The following SVOPL variants were observed in gnomAD, a reference collection of about 807,000 sequenced individuals.
SVOPL encodes SVOP like.
SVOPL carries 60 observed loss-of-function variants against 61.0 expected under a neutral mutation model. The ratio of observed to expected loss-of-function variants is 0.98; its 90% CI spans 0.80 to 1.22. The LOEUF (loss-of-function observed/expected upper bound fraction) is 1.22. Among genes scored for constraint, SVOPL ranks in the 50% most tolerant of loss-of-function variants. The pLI, the probability that SVOPL is intolerant of heterozygous loss-of-function variation, is 0.00. For synonymous variants in SVOPL, 279 were observed against 250.0 expected, an observed-to-expected ratio of 1.12 and a Z score of -1.09; for missense variants, 662 against 643.9, an observed-to-expected ratio of 1.03 and a Z score of -0.30.
chr7:138,657,134 G>GTTTATTTATTTA lies in SVOPL; in HGVS notation c.471-635_471-624dup, dbSNP rs147009662. On this transcript the variant is annotated intron_variant, in intron 6 of 15. Coordinates refer to ENST00000674285, the MANE Select transcript of SVOPL (RefSeq NM_001139456.2). ...CAAGCCTGATTCCCTTTTCTTATTT[G>GTTTATTTATTTA]TTTATTTATTTATTTATTTATTTAT... 1.2e-3 allele frequency among the ~76,000 whole-genome samples: 176 copies of GTTTATTTATTTA among 147,130 alleles called. 2 individuals are homozygous for GTTTATTTATTTA. The highest frequency in any genetic ancestry group is 2.0e-3 in the Admixed American group (30 of 14,640).
At chr7:138,644,552 G>A (rs1213913067) in intron 9 of SVOPL, among the ~76,000 whole-genome samples, 165 bp downstream of exon 9, 1 of 152,184 alleles carries the variant, frequency 6.6e-6, no homozygotes, top group Non-Finnish European at 1.5e-5. Context: ...GGCTCCCATG[G>A]CTCACAGTGA....
rs182669294 is a variant in SVOPL at position 138,595,071 on chromosome 7, G to C, written c.1468-450C>G. Among the ~76,000 whole-genome samples, 49 of 152,064 alleles carry C rather than the reference G, an allele frequency of 3.2e-4. No individual in the cohort carries two copies. In the East Asian group the frequency reaches 6.0e-3, roughly 19 times the overall value. On this transcript the variant is annotated intron_variant, in intron 15 of 15. Coordinates refer to ENST00000674285, the MANE Select transcript of SVOPL (RefSeq NM_001139456.2). ...GTACCTGGCCAATATTCTCCTTCTA[G>C]ATAGTGTTTTAGATTTTTAGTTTAC...
chr7:138,665,893 C>T (rs1408519280), intron 4 of SVOPL, among the ~76,000 whole-genome samples: 2 of 152,184 alleles, frequency 1.3e-5, no homozygotes, highest in Non-Finnish European at 2.9e-5. Context: ...GAGGAGCTCT[C>T]AGGCACACAA....
chr7:138,685,120 C>T (rs1258364011), intron 1 of SVOPL, among the ~76,000 whole-genome samples: 10 of 151,940 alleles, frequency 6.6e-5, no homozygotes, highest in South Asian at 2.1e-4. Flanking sequence ...TTAGTAGAGA[C>T]AGGGTTTCAC....
intron 3 of SVOPL, among the ~76,000 whole-genome samples, chr7:138,672,904 CAAAA>C (rs71179720): frequency 6.7e-5 from 7 of 103,722 alleles, no homozygotes; most frequent in African/African-American, 1.3e-4. Flanking sequence ...GTTTGTCTCT[CAAAA>C]AAAAAAAAAA....
chr7:138,692,144 C>T (rs1298379149), intron 1 of SVOPL, among the ~76,000 whole-genome samples: 2 of 152,078 alleles, frequency 1.3e-5, no homozygotes, highest in Non-Finnish European at 2.9e-5. Context: ...CCATTGCACT[C>T]CAGCCTGGGT....
rs544468281 is a variant in SVOPL, at chr7:138,692,169, T to C, written c.-35+9009A>G. ...CCAGCCTGGGTGACAAGAGTGAAAC[T>C]CCATCTCAAAAAAGAAAAAATAGCC... is the stretch of plus-strand genomic sequence containing the variant. On this transcript the variant is annotated intron_variant, in intron 1 of 15. Coordinates refer to ENST00000674285, the MANE Select transcript of SVOPL (RefSeq NM_001139456.2). Among the ~76,000 whole-genome samples the C allele has an allele frequency of 9.2e-5, 14 of 152,194 alleles. No homozygotes were observed. The South Asian group carries it at 2.7e-3, about 29-fold the overall frequency.
chr7:138,656,577 T>G (rs1381051108), intron 6 of SVOPL, 66 bp from the exon 7 acceptor site: 1 of 1,550,518 alleles, frequency 6.4e-7, no homozygotes, highest in Non-Finnish European at 8.9e-7. Context: ...TAAAAAATAA[T>G]CAGTTTTTCT....
At chr7:138,604,612 A>G (rs1452332434) in intron 14 of SVOPL, among the ~76,000 whole-genome samples, 1 of 137,352 alleles carries the variant, frequency 7.3e-6, no homozygotes, top group Non-Finnish European at 1.5e-5. Flanking sequence ...TGGGAGGCAG[A>G]GGTTGCAGTG....
At chr7:138,676,881 A>G (rs1231643077) in intron 3 of SVOPL, among the ~76,000 whole-genome samples, 1 of 146,032 alleles carries the variant, frequency 6.8e-6, no homozygotes, top group African/African-American at 2.5e-5. Context: ...TTTTTGGATT[A>G]CCCACCTCTT....
At chr7:138,623,513 T>C (rs1173557160) in intron 13 of SVOPL, among the ~76,000 whole-genome samples, 3 of 152,006 alleles carry the variant, frequency 2.0e-5, no homozygotes, top group East Asian at 1.9e-4. Context: ...GGCAGGAGAA[T>C]GGCGTGAACC....
At chr7:138,665,131 A>G (rs1311129907) in intron 4 of SVOPL, among the ~76,000 whole-genome samples, 1 of 54,404 alleles carries the variant, frequency 1.8e-5, no homozygotes, top group Non-Finnish European at 3.4e-5. Context: ...CCACCTCCCT[A>G]GGGTCAGCTC....
intron 14 of SVOPL, among the ~76,000 whole-genome samples, chr7:138,600,972 C>A (rs1407252548): frequency 6.6e-6 from 1 of 152,082 alleles, no homozygotes; most frequent in Non-Finnish European, 1.5e-5. Flanking sequence ...AGAAAATAGG[C>A]CGGGCGCGGT....
intron 3 of SVOPL, among the ~76,000 whole-genome samples, chr7:138,674,417 T>C (rs976259194): frequency 6.6e-6 from 1 of 151,858 alleles, no homozygotes; most frequent in Non-Finnish European, 1.5e-5. Context: ...AGAATCCTGC[T>C]CATAAAGCAT....
chr7:138,656,307 G>T lies in SVOPL; in HGVS notation c.534+141C>A, dbSNP rs528387813. ...TTTACATGCACTGAGAAACCAAAAAGGTTGTGTGACTCACTTTATTCTGAT... is the reference window on the plus strand; with the variant it reads ...TTTACATGCACTGAGAAACCAAAAATGTTGTGTGACTCACTTTATTCTGAT... On this transcript the variant is annotated intron_variant, in intron 7 of 15. Coordinates refer to ENST00000674285, the MANE Select transcript of SVOPL (RefSeq NM_001139456.2). The T allele has an allele frequency of 2.0e-4, 166 of 820,760 alleles. 1 individual carries two copies. In the African/African-American group the frequency reaches 2.2e-3, roughly 11 times the overall value. 50.8% of individuals were successfully genotyped at this position (820,760 alleles called of 1,614,324 possible). A position where few individuals can be genotyped will look rare whatever the true frequency, so the allele number is the denominator to read the frequency against.
chr7:138,694,466 G>A (rs1016059661), intron 1 of SVOPL, among the ~76,000 whole-genome samples: 6 of 151,890 alleles, frequency 4.0e-5, no homozygotes, highest in Non-Finnish European at 8.8e-5. Flanking sequence ...GGCTGGTCTC[G>A]AACTCCTGAC....
chr7:138,630,968 AAGC>A (rs1479659344), intron 9 of SVOPL, among the ~76,000 whole-genome samples: 4 of 151,080 alleles, frequency 2.6e-5, no homozygotes, highest in Non-Finnish European at 5.9e-5. Flanking sequence ...AAAAAAAAAA[AAGC>A]AAGGAAGAGT....
intron 3 of SVOPL, among the ~76,000 whole-genome samples, chr7:138,674,788 A>G (rs1802516621): frequency 6.6e-6 from 1 of 151,660 alleles, no homozygotes; most frequent in Non-Finnish European, 1.5e-5. Flanking sequence ...CCCAGGAGGC[A>G]CAGCTTGCAG....
intron 14 of SVOPL, among the ~76,000 whole-genome samples, chr7:138,602,031 G>C (rs1369255735): frequency 1.3e-5 from 2 of 152,182 alleles, no homozygotes; most frequent in African/African-American, 2.4e-5. Context: ...CTCAATAACT[G>C]TATGTTAAAT....
Sources: allele counts gnomAD v4.1 joint callset (sites outside exome capture counted in the v4.1 genomes callset), GRCh38; gene constraint gnomAD v4.1.1; transcripts MANE v1.5; gene names NCBI Gene and HGNC (gene_info 2026-07-23, HGNC 2026-07-21).